The following ATIC variants were observed in gnomAD, a reference collection of about 807,000 sequenced individuals.
The protein encoded by ATIC is bifunctional purine biosynthesis protein ATIC.
Under a neutral mutation model 72.5 loss-of-function variants are expected in ATIC, and 64 were observed. The ratio of observed to expected loss-of-function variants is 0.88; its 90% CI spans 0.72 to 1.09. The LOEUF (loss-of-function observed/expected upper bound fraction) is 1.09. Among genes scored for constraint, ATIC ranks in the 50% least tolerant of loss-of-function variants. The pLI is 0.00. For synonymous variants in ATIC, 281 were observed against 267.1 expected, an observed-to-expected ratio of 1.05 and a Z score of -0.51; for missense variants, 787 against 732.4, an observed-to-expected ratio of 1.07 and a Z score of -0.86.
At chr2:215,346,170 A>T (rs1035125971) in intron 13 of ATIC, among the ~76,000 whole-genome samples, 2 of 151,810 alleles carry the variant, frequency 1.3e-5, no homozygotes, top group African/African-American at 2.4e-5. Flanking sequence ...TTATTTATTT[A>T]TTTTTTATAG....
chr2:215,324,807 G>A (rs535262044), intron 4 of ATIC, among the ~76,000 whole-genome samples: 1 of 152,238 alleles, frequency 6.6e-6, no homozygotes, highest in South Asian at 2.1e-4. Context: ...TTTCATCATT[G>A]TGCCAATCCA....
intron 14 of ATIC, chr2:215,348,629 A>C (rs765063452): frequency 1.2e-5 from 5 of 424,344 alleles, no homozygotes; most frequent in Non-Finnish European, 2.3e-5. Flanking sequence ...GAGATTCTAG[A>C]TATGTGAACT....
chr2:215,313,586 T>G (rs1559264573), intron 2 of ATIC, among the ~76,000 whole-genome samples: 1 of 152,110 alleles, frequency 6.6e-6, no homozygotes, highest in Non-Finnish European at 1.5e-5. Context: ...GAAACATATT[T>G]TAGAATGAAA....
At chr2:215,340,514 C>A (rs1021392587) in intron 12 of ATIC, among the ~76,000 whole-genome samples, 6 of 152,102 alleles carry the variant, frequency 3.9e-5, no homozygotes, top group African/African-American at 1.2e-4. Flanking sequence ...TTATTGAGTG[C>A]TAGGCATTGG....
In ATIC at chr2:215,339,631, AT is replaced by A. The variant is rs570297843; in HGVS notation, c.1227+731del. ...TATTTTTACCCTGATTGATTGATTT[AT>A]TTTTTTATTTTATTTTTTCTGAGAC... On this transcript the variant is annotated intron_variant, in intron 12 of 15. Coordinates refer to ENST00000236959, the MANE Select transcript of ATIC (RefSeq NM_004044.7). 2.2e-4 allele frequency among the ~76,000 whole-genome samples: 34 copies of A among 151,758 alleles called. No individual in the cohort carries two copies. In the South Asian group the frequency reaches 4.0e-3, roughly 18 times the overall value.
At chr2:215,323,502 C>T (rs2052791738) in intron 4 of ATIC, among the ~76,000 whole-genome samples, 1 of 152,064 alleles carries the variant, frequency 6.6e-6, no homozygotes, top group African/African-American at 2.4e-5. Context: ...TAATTTTTTT[C>T]TCATTCACTG....
the ATIC span, chr2:215,364,511 G>A: frequency 3.0e-6 from 1 of 336,362 alleles, no homozygotes; most frequent in South Asian, 2.9e-5. Flanking sequence ...AATTTGAATA[G>A]TATCTCTGCT....
At chr2:215,329,072 C>T (rs2052861871) in intron 7 of ATIC, among the ~76,000 whole-genome samples, 1 of 152,102 alleles carries the variant, frequency 6.6e-6, no homozygotes, top group Admixed American at 6.6e-5. Flanking sequence ...TCGCTGAATC[C>T]CCAGGGCTTA....
intron 13 of ATIC, 57 bp downstream of exon 13, chr2:215,344,928 A>C: frequency 1.3e-6 from 2 of 1,519,770 alleles, no homozygotes; most frequent in South Asian, 1.1e-5. Flanking sequence ...AATGATATTT[A>C]AACATCCGTC....
At position 215,312,540 on chromosome 2, in the gene ATIC, C is replaced by T; in HGVS notation, c.62C>T (p.Ala21Val). The T allele has an allele frequency of 2.5e-6, 4 of 1,614,236 alleles. No individual in the cohort carries two copies. The highest frequency in any genetic ancestry group is 3.4e-6 in the Non-Finnish European group (4 of 1,180,034). Residue 21 changes from alanine to valine, a missense_variant, in exon 2 of 16, where the codon GCA becomes GTA. Coordinates refer to ENST00000236959, the MANE Select transcript of ATIC (RefSeq NM_004044.7). The part of the protein sequence containing the change: ...VSDKTGLVEF[A>V]RNLTALGLNL... ...GACAAAACCGGCCTTGTGGAATTTG[C>T]AAGAAACCTGACCGCTCTTGGTTTG...
chr2:215,314,308 A>G (rs752504933), intron 2 of ATIC, among the ~76,000 whole-genome samples: 2 of 152,220 alleles, frequency 1.3e-5, no homozygotes, highest in African/African-American at 2.4e-5. Flanking sequence ...TTTTTCTTCA[A>G]CAAAGGCCAC....
At chr2:215,349,823 A>G (rs1046698424), downstream of ATIC, 8 of 1,224,042 alleles carry the variant, frequency 6.5e-6, no homozygotes, top group Non-Finnish European at 9.2e-6. Context: ...GAACTGACAC[A>G]TGACACATAA....
Position 215,312,380 on chromosome 2 carries a change from G to T in ATIC, c.20-118G>T, listed in dbSNP as rs565770994. 55 of 1,569,952 alleles carry T rather than the reference G, an allele frequency of 3.5e-5. No individual in the cohort carries two copies. The South Asian group carries it at 5.6e-4, about 16-fold the overall frequency. On this transcript the variant is annotated intron_variant, in intron 1 of 15. Transcript: ENST00000236959. ...GGAGGCCCGGACCAGGCCTGCGAAC[G>T]CAGGGTCCAGGTGCTGGCCTTGCGA...
the ATIC span, chr2:215,360,836 C>T: frequency 6.6e-6 from 1 of 152,532 alleles, no homozygotes; most frequent in African/African-American, 2.4e-5. Flanking sequence ...CCGAAGGTGT[C>T]TTATATCAAA....
intron 11 of ATIC, among the ~76,000 whole-genome samples, chr2:215,336,920 G>A (rs1180052593): frequency 6.6e-6 from 1 of 152,052 alleles, no homozygotes; most frequent in East Asian, 1.9e-4. Context: ...TCAGCATTGT[G>A]GTTTTATACT....
chr2:215,366,610 A>G, the ATIC span, among the ~76,000 whole-genome samples: 1 of 152,346 alleles, frequency 6.6e-6, no homozygotes, highest in Admixed American at 6.5e-5. Flanking sequence ...GGCTTATACA[A>G]CAAAACACAC....
intron 2 of ATIC, among the ~76,000 whole-genome samples, chr2:215,315,808 A>T (rs1478241494): frequency 6.6e-6 from 1 of 152,006 alleles, no homozygotes; most frequent in Non-Finnish European, 1.5e-5. Context: ...AAAAAGAATC[A>T]GCCGGGTGTG....
the ATIC span, among the ~76,000 whole-genome samples, chr2:215,355,954 A>C: frequency 6.6e-6 from 1 of 152,080 alleles, no homozygotes; most frequent in Non-Finnish European, 1.5e-5. Context: ...GGATGGATTC[A>C]CTCCTCCAAA....
At position 215,325,329 on chromosome 2, in the gene ATIC, G is replaced by T. The variant is rs768277320; in HGVS notation, c.379G>T (p.Gly127Cys). Residue 127 changes from glycine to cysteine, a missense_variant and splice_region_variant, in exon 5 of 16, where the codon GGT becomes TGT. Physicochemically the swap from Gly to Cys is radical, Grantham distance 159. Transcript: ENST00000236959. ...GGAGGCTGTGGAGCAAATTGACATT[G>T]GTAAGTCAGAAAAACCATTTTAGAA... is the stretch of plus-strand genomic sequence containing the variant. ...VEEAVEQIDI[G>C]GVTLLRAAAK... The T allele has an allele frequency of 6.2e-7, 1 of 1,611,094 alleles. No individual in the cohort carries two copies. The highest frequency in any genetic ancestry group is 1.1e-5 in the South Asian group (1 of 90,968).
Sources: allele counts gnomAD v4.1 joint callset (sites outside exome capture counted in the v4.1 genomes callset), GRCh38; gene constraint gnomAD v4.1.1; transcripts MANE v1.5; gene names NCBI Gene and HGNC (gene_info 2026-07-23, HGNC 2026-07-21).